The following RAPGEF4 variants were observed in gnomAD, a reference collection of about 807,000 sequenced individuals.
The protein encoded by RAPGEF4 is RAP guanine-nucleotide-exchange factor (GEF) 4.
Under a neutral mutation model 147.9 loss-of-function variants are expected in RAPGEF4, and 66 were observed. That is an observed-to-expected ratio of 0.45 (90% CI 0.37 to 0.55). RAPGEF4 has a LOEUF of 0.55. Among genes scored for constraint, RAPGEF4 ranks in the 20% least tolerant of loss-of-function variants. The pLI is 0.00. For synonymous variants in RAPGEF4, 419 were observed against 442.7 expected, an observed-to-expected ratio of 0.95 and a Z score of 0.67; for missense variants, 1,071 against 1,257.3, an observed-to-expected ratio of 0.85 and a Z score of 2.24.
At chr2:172,754,490 T>C (rs1316659692) in intron 1 of RAPGEF4, among the ~76,000 whole-genome samples, 29 of 152,218 alleles carry the variant, frequency 1.9e-4, no homozygotes, top group Admixed American at 1.9e-3. Context: ...GTTTTTAACA[T>C]ATTTTTAAAT....
chr2:172,986,552 A>G (rs918851161), intron 12 of RAPGEF4, among the ~76,000 whole-genome samples: 3 of 151,806 alleles, frequency 2.0e-5, no homozygotes, highest in Non-Finnish European at 4.4e-5. Flanking sequence ...ATTCTTTTTT[A>G]TTTTCTTTTA....
chr2:172,779,193 G>A (rs751491262), intron 1 of RAPGEF4, among the ~76,000 whole-genome samples: 2 of 152,042 alleles, frequency 1.3e-5, no homozygotes, highest in East Asian at 1.9e-4. Context: ...TGGAGCTTAC[G>A]TTCTAGTGGA....
chr2:172,758,025 C>T (rs1023623068), intron 1 of RAPGEF4, among the ~76,000 whole-genome samples: 2 of 151,362 alleles, frequency 1.3e-5, no homozygotes, highest in African/African-American at 4.9e-5. Flanking sequence ...AAGAAAAAAC[C>T]CCAAAAAACA....
intron 4 of RAPGEF4, among the ~76,000 whole-genome samples, chr2:172,857,435 T>A (rs752631738): frequency 6.6e-6 from 1 of 152,258 alleles, no homozygotes; most frequent in Non-Finnish European, 1.5e-5. Context: ...AGTGGATACT[T>A]CATATGTCTT....
At chr2:173,035,343 C>G (rs908481292) in intron 27 of RAPGEF4, among the ~76,000 whole-genome samples, 3 of 151,850 alleles carry the variant, frequency 2.0e-5, no homozygotes, top group Non-Finnish European at 4.4e-5. Context: ...CCCGTCTCTA[C>G]TAAAAAAATA....
At chr2:172,982,843 A>T (rs1691827353) in intron 10 of RAPGEF4, among the ~76,000 whole-genome samples, 1 of 152,170 alleles carries the variant, frequency 6.6e-6, no homozygotes, top group Non-Finnish European at 1.5e-5. Context: ...TGGTTTTTGT[A>T]ACAAGAGTTT....
rs547246123 is a variant in RAPGEF4, at chr2:173,052,765, C to T, written c.*998C>T. ...TACTTTTTATTTATTTTATTTAGTACGTAATTTTGAAGTACATTTTTTCCT... is the reference window on the plus strand; with the variant it reads ...TACTTTTTATTTATTTTATTTAGTATGTAATTTTGAAGTACATTTTTTCCT... On this transcript the variant is annotated 3_prime_UTR_variant, in exon 31 of 31. Coordinates refer to ENST00000397081, the MANE Select transcript of RAPGEF4 (RefSeq NM_007023.4). 3.3e-5 allele frequency: 5 copies of T among 152,390 alleles called. No individual in the cohort carries two copies. In the South Asian group the frequency reaches 6.2e-4, roughly 19 times the overall value. 9.4% of individuals were successfully genotyped at this position (152,390 alleles called of 1,614,324 possible).
chr2:172,808,612 C>A lies in RAPGEF4; in HGVS notation c.298-5667C>A, dbSNP rs147772995. On this transcript the variant is annotated intron_variant, in intron 3 of 30. Coordinates refer to ENST00000397081, the MANE Select transcript of RAPGEF4 (RefSeq NM_007023.4). ...AATAATTTCCATTATTTATGGATCACCTGTTATGTGCCAGAAACTATACAG... is the reference window on the plus strand; with the variant it reads ...AATAATTTCCATTATTTATGGATCAACTGTTATGTGCCAGAAACTATACAG... Among the ~76,000 whole-genome samples, 140 of 152,254 alleles carry A rather than the reference C, an allele frequency of 9.2e-4. 2 individuals are homozygous for A. In the East Asian group the frequency reaches 0.016, roughly 18 times the overall value.
At chr2:172,796,874 A>G (rs11682941) in intron 2 of RAPGEF4, among the ~76,000 whole-genome samples, 52,241 of 152,070 alleles carry the variant, frequency 0.34, 9,427 homozygotes, top group Middle Eastern at 0.47. Context: ...AAGGACAGTT[A>G]GTTTGCATGA....
chr2:172,864,286 A>C (rs1694367089), intron 4 of RAPGEF4, among the ~76,000 whole-genome samples: 1 of 152,138 alleles, frequency 6.6e-6, no homozygotes, highest in Admixed American at 6.5e-5. Flanking sequence ...TATGAGTGAG[A>C]AGGAGGTCAA....
At chr2:172,936,003 A>T (rs1686520294) in intron 6 of RAPGEF4, among the ~76,000 whole-genome samples, 1 of 152,226 alleles carries the variant, frequency 6.6e-6, no homozygotes, top group Non-Finnish European at 1.5e-5. Context: ...GAAGTCTAGC[A>T]AGATGGTGGA....
intron 29 of RAPGEF4, among the ~76,000 whole-genome samples, chr2:173,044,777 G>A (rs572072736): frequency 2.6e-5 from 4 of 152,192 alleles, no homozygotes; most frequent in African/African-American, 9.7e-5. Context: ...TGTGGGGCAT[G>A]TTTGCCCCAC....
chr2:172,976,952 C>G (rs1691139584), intron 10 of RAPGEF4, among the ~76,000 whole-genome samples: 1 of 152,210 alleles, frequency 6.6e-6, no homozygotes. Flanking sequence ...AGAAACTAGG[C>G]CTTTCCACAG....
chr2:172,848,116 T>C (rs949232670), intron 4 of RAPGEF4, among the ~76,000 whole-genome samples: 21 of 152,168 alleles, frequency 1.4e-4, no homozygotes, highest in African/African-American at 5.1e-4. Context: ...TTAGTTGATT[T>C]TGTTATTGAT....
intron 6 of RAPGEF4, among the ~76,000 whole-genome samples, chr2:172,951,353 A>T (rs557055445): frequency 7.9e-5 from 12 of 152,358 alleles, no homozygotes; most frequent in African/African-American, 2.6e-4. Context: ...GAATAAATGA[A>T]TCAATGAAGA....
chr2:172,828,863 G>C (rs2149661618), intron 4 of RAPGEF4, among the ~76,000 whole-genome samples: 1 of 152,314 alleles, frequency 6.6e-6, no homozygotes, highest in Non-Finnish European at 1.5e-5. Flanking sequence ...CCTCTCAGCA[G>C]TTTATTTTTA....
intron 4 of RAPGEF4, among the ~76,000 whole-genome samples, chr2:172,912,519 A>G (rs966043694): frequency 2.0e-5 from 3 of 152,188 alleles, no homozygotes; most frequent in African/African-American, 4.8e-5. Flanking sequence ...TTTCCTGCCA[A>G]TGCCCTATAT....
intron 21 of RAPGEF4, among the ~76,000 whole-genome samples, chr2:173,018,258 C>T (rs531488667): frequency 3.3e-5 from 5 of 152,312 alleles, no homozygotes; most frequent in Admixed American, 6.5e-5. Context: ...ATGGCCCAGG[C>T]GGAAGCCCTC....
chr2:173,029,314 G>C (rs531614444), intron 25 of RAPGEF4, among the ~76,000 whole-genome samples: 28 of 152,178 alleles, frequency 1.8e-4, no homozygotes, highest in Non-Finnish European at 3.4e-4. Flanking sequence ...GGTCAATTTC[G>C]ATAACCATAT....
Sources: gnomAD v4.1 joint callset for allele counts (sites outside exome capture counted in the v4.1 genomes callset) on GRCh38, gnomAD v4.1.1 for gene constraint, MANE v1.5 for transcripts, NCBI Gene and HGNC (gene_info 2026-07-23, HGNC 2026-07-21) for gene names.